Variants in HERC5 observed in about 807,000 individuals in gnomAD.
The protein encoded by HERC5 is HECT and RLD domain containing E3 ubiquitin protein ligase 5.
Under a neutral mutation model 119.6 loss-of-function variants are expected in HERC5, and 99 were observed. The ratio of observed to expected loss-of-function variants is 0.83; its 90% CI spans 0.70 to 0.98. HERC5 has a LOEUF of 0.98. HERC5 is among the 50% of genes least tolerant of loss of function. The pLI is 0.00. For missense variants in HERC5, 1,267 were observed against 1,241.3 expected (o/e 1.02, Z -0.31); for synonymous variants, 478 against 445.9 (o/e 1.07, Z -0.91).
Position 88,505,668 on chromosome 4 carries a change from T to C in HERC5, c.2870-5T>C. 6.8e-7 allele frequency: 1 copy of C among 1,479,042 alleles called. No individual in the cohort carries two copies. The highest frequency in any genetic ancestry group is 9.4e-7 in the Non-Finnish European group (1 of 1,069,384). 91.6% of individuals were successfully genotyped at this position (1,479,042 alleles called of 1,614,324 possible). Reference sequence around the variant, plus strand: ...CAGATTGCCTAATTTTATTCTTCTTTTTAGTATTTCTTACAGGAACTGACA... The same window carrying C: ...CAGATTGCCTAATTTTATTCTTCTTCTTAGTATTTCTTACAGGAACTGACA... On this transcript the variant is annotated splice_region_variant and splice_polypyrimidine_tract_variant and intron_variant, in intron 22 of 22. Transcript: ENST00000264350.
At chr4:88,479,996 G>T (rs551806568) in intron 13 of HERC5, among the ~76,000 whole-genome samples, 2 of 151,490 alleles carry the variant, frequency 1.3e-5, no homozygotes, top group South Asian at 4.2e-4. Context: ...GAACCCGGGA[G>T]GCGGAGCTTG....
chr4:88,478,846 A>G (rs923293910), intron 12 of HERC5, among the ~76,000 whole-genome samples: 2 of 152,200 alleles, frequency 1.3e-5, no homozygotes, highest in African/African-American at 2.4e-5. Context: ...TGCTGAGCTC[A>G]GACAATCCAC....
At chr4:88,466,113 G>A (rs982752448) in intron 6 of HERC5, among the ~76,000 whole-genome samples, 1 of 150,760 alleles carries the variant, frequency 6.6e-6, no homozygotes, top group African/African-American at 2.4e-5. Flanking sequence ...TTGAGACAAG[G>A]TCTCACTCTG....
chr4:88,502,117 C>T (rs541654195), intron 20 of HERC5, among the ~76,000 whole-genome samples: 15 of 151,820 alleles, frequency 9.9e-5, no homozygotes, highest in South Asian at 4.2e-4. Context: ...TATTTTTGAC[C>T]GACATAGTGT....
In HERC5 at chr4:88,475,891, T is replaced by A. The variant is rs764347168; in HGVS notation, c.1443T>A (p.Ser481=). Reference sequence around the variant, plus strand: ...TGCTCAAAAGACTTCCATTTCATTCTCCACCCCAAGAAGCTTTAGAAATTT... The same window carrying A: ...TGCTCAAAAGACTTCCATTTCATTCACCACCCCAAGAAGCTTTAGAAATTT... ...DNLLKRLPFH[S]PPQEALEIFF... The change falls in exon 12 of 23, where the codon TCT becomes TCA. Residue 481 remains serine, a synonymous_variant. Transcript: ENST00000264350. The A allele has an allele frequency of 3.7e-6, 6 of 1,613,940 alleles. No homozygotes were observed. The African/African-American group carries it at 8.0e-5, about 22-fold the overall frequency.
At chr4:88,484,863 C>G (rs1159337091) in intron 13 of HERC5, among the ~76,000 whole-genome samples, 1 of 152,154 alleles carries the variant, frequency 6.6e-6, no homozygotes, top group Non-Finnish European at 1.5e-5. Context: ...AGTTTTTGAC[C>G]TGATTATTCC....
intron 14 of HERC5, among the ~76,000 whole-genome samples, 190 bp downstream of exon 14, chr4:88,486,418 G>A (rs1741468364): frequency 6.6e-6 from 1 of 152,140 alleles, no homozygotes; most frequent in South Asian, 2.1e-4. Context: ...GATGACTATG[G>A]GAGTATGAAA....
At chr4:88,480,352 T>C (rs1310437199) in intron 13 of HERC5, among the ~76,000 whole-genome samples, 4 of 152,162 alleles carry the variant, frequency 2.6e-5, no homozygotes, top group African/African-American at 9.7e-5. Flanking sequence ...TCATTTTCAC[T>C]CTGCAGTATA....
In HERC5 at chr4:88,467,155, G is replaced by A; in HGVS notation, c.1008G>A (p.Gln336=). 6 of 1,614,194 alleles carry A rather than the reference G, an allele frequency of 3.7e-6. No homozygotes were observed. In the South Asian group the frequency reaches 6.6e-5, roughly 18 times the overall value. The change falls in exon 7 of 23, where the codon CAG becomes CAA. Residue 336 remains glutamine, a synonymous_variant. Coordinates refer to ENST00000264350, the MANE Select transcript of HERC5 (RefSeq NM_016323.4). ...GQLGNGGTRD[Q]LMPLPVKVSS... is the part of the protein sequence containing the mutation. Reference sequence around the variant, plus strand: ...TGGGAAATGGTGGAACACGTGACCAGCTGATGCCGCTTCCAGTGAAAGTAT... The same window carrying A: ...TGGGAAATGGTGGAACACGTGACCAACTGATGCCGCTTCCAGTGAAAGTAT...
Position 88,505,678 on chromosome 4 carries a change from C to G in HERC5, c.2875C>G (p.Leu959Val). 6.6e-7 allele frequency: 1 copy of G among 1,525,332 alleles called. No homozygotes were observed. The highest frequency in any genetic ancestry group is 9.0e-7 in the Non-Finnish European group (1 of 1,107,876). The allele number at this position is 1,525,332 out of a possible 1,614,324, so 94.5% of individuals were successfully genotyped here. The change falls in exon 23 of 23, where the codon CTT (leucine) becomes GTT (valine). Residue 959 changes from leucine to valine, a missense_variant. By Grantham distance (32) the Leu-to-Val change is conservative. Coordinates refer to ENST00000264350, the MANE Select transcript of HERC5 (RefSeq NM_016323.4). ...LEEKKKFLVF[L>V]TGTDRLQMKD... ...AATTTTATTCTTCTTTTTAGTATTTCTTACAGGAACTGACAGACTACAAAT... is the reference window on the plus strand; with the variant it reads ...AATTTTATTCTTCTTTTTAGTATTTGTTACAGGAACTGACAGACTACAAAT...
At chr4:88,490,863 A>G (rs1257559701) in intron 16 of HERC5, among the ~76,000 whole-genome samples, 1 of 152,164 alleles carries the variant, frequency 6.6e-6, no homozygotes, top group African/African-American at 2.4e-5. Context: ...AAATATATAT[A>G]TTGCAGTTAG....
At position 88,503,769 on chromosome 4, in the gene HERC5, A is replaced by G. The variant is rs142534489; in HGVS notation, c.2583-463A>G. On this transcript the variant is annotated intron_variant, in intron 20 of 22. Transcript: ENST00000264350. ...ATAAGCAGCATATGATGGAGTTGTTATAAAAATTACATTAGGGCCAGGTGC... is the reference window on the plus strand; with the variant it reads ...ATAAGCAGCATATGATGGAGTTGTTGTAAAAATTACATTAGGGCCAGGTGC... Among the ~76,000 whole-genome samples, 32 of 152,276 alleles carry G rather than the reference A, an allele frequency of 2.1e-4. 1 individual carries two copies. The East Asian group carries it at 6.2e-3, about 29-fold the overall frequency.
At chr4:88,472,310 GAA>G in intron 10 of HERC5, 97 bp from the exon 11 acceptor site, 1 of 710,738 alleles carries the variant, frequency 1.4e-6, no homozygotes, top group Non-Finnish European at 2.5e-6. Flanking sequence ...ACACACTTGA[GAA>G]AAAAGGTAAT....
In HERC5 at chr4:88,505,858, A is replaced by G; in HGVS notation, c.3055A>G (p.Asn1019Asp). 3.7e-6 allele frequency: 6 copies of G among 1,611,720 alleles called. No individual in the cohort carries two copies. Among genetic ancestry groups the G allele is most frequent in the Non-Finnish European group, 5.1e-6 (6 of 1,179,000 alleles). Residue 1019 changes from asparagine to aspartate, a missense_variant, in exon 23 of 23, where the codon AAC (asparagine) becomes GAC (aspartate). Asn to Asp is a conservative substitution (Grantham distance 23). Around this residue, in one of 3 missense-constraint regions of HERC5, gnomAD observed 473 missense variants for 445.7 expected, o/e 1.06. Transcript: ENST00000264350. ...AGAAGCGCTTCAAGAAGCCATCAAC[A>G]ACAACAGAGGATTTGGCTGACCAGC... The part of the protein sequence containing the change: ...VEEALQEAIN[N>D]NRGFG
chr4:88,458,397 GTTTTT>G (rs550662608), intron 1 of HERC5, among the ~76,000 whole-genome samples: 1 of 145,726 alleles, frequency 6.9e-6, no homozygotes, highest in African/African-American at 2.5e-5. Flanking sequence ...TAATTTTAAG[GTTTTT>G]TTTTTTAAGT....
At chr4:88,475,723 T>A in intron 11 of HERC5, 118 bp from the exon 12 acceptor site, 1 of 847,230 alleles carries the variant, frequency 1.2e-6, no homozygotes, top group Non-Finnish European at 1.9e-6. Flanking sequence ...ACTCAATGAT[T>A]ATTCTCATTT....
intron 13 of HERC5, among the ~76,000 whole-genome samples, chr4:88,485,435 T>C (rs999827000): frequency 5.3e-5 from 8 of 152,186 alleles, no homozygotes; most frequent in Admixed American, 2.0e-4. Context: ...GTGGTAGTAC[T>C]GGGAGGCCTG....
intron 8 of HERC5, 138 bp from the exon 9 acceptor site, chr4:88,469,019 G>A: frequency 1.7e-6 from 1 of 586,488 alleles, no homozygotes; most frequent in South Asian, 2.2e-5. Flanking sequence ...TATTTGTTGA[G>A]TATCACTTTG....
Position 88,489,257 on chromosome 4 carries a change from T to C in HERC5, c.2054T>C (p.Val685Ala). The change falls in exon 16 of 23, where the codon GTC becomes GCC. Residue 685 changes from valine (V) to alanine (A), a missense_variant. Physicochemically the swap from Val to Ala is moderately conservative, Grantham distance 64. Coordinates refer to ENST00000264350, the MANE Select transcript of HERC5 (RefSeq NM_016323.4). ...TTGAGGCCCACGTTTGATCTAACAG[T>C]CAGAAGGAATCACTTGATTGAGGAT... ...FALRPTFDLT[V>A]RRNHLIEDVL... 1.2e-6 allele frequency: 2 copies of C among 1,613,944 alleles called. No homozygotes were observed. The highest frequency in any genetic ancestry group is 1.7e-6 in the Non-Finnish European group (2 of 1,179,874).
Sources: allele counts gnomAD v4.1 joint callset (sites outside exome capture counted in the v4.1 genomes callset), GRCh38; gene constraint gnomAD v4.1.1; regional missense constraint gnomAD v4.1.1; transcripts MANE v1.5; gene names NCBI Gene and HGNC (gene_info 2026-07-23, HGNC 2026-07-21).